RBFOX1: variants seen among roughly 807,000 people sequenced by gnomAD.
RBFOX1 encodes RNA binding fox-1 homolog 1, also known as RNA binding protein fox-1 homolog 1.
RBFOX1 carries 8 observed loss-of-function variants against 57.7 expected under a neutral mutation model. The observed-to-expected ratio is 0.14, with a 90% CI of 0.08 to 0.25. The LOEUF (loss-of-function observed/expected upper bound fraction) is 0.25, where lower values mean the gene tolerates loss of function less well. RBFOX1 is among the 10% of genes least tolerant of loss of function. The pLI, the probability that RBFOX1 is intolerant of heterozygous loss-of-function variation, is 1.00. For synonymous variants in RBFOX1, 326 were observed against 222.4 expected (o/e 1.47, Z -4.15); for missense variants, 611 against 548.5 (o/e 1.11, Z -1.14).
intron 3 of RBFOX1, among the ~76,000 whole-genome samples, chr16:6,702,713 C>A (rs1329108041): frequency 1.3e-5 from 2 of 152,186 alleles, no homozygotes; most frequent in Non-Finnish European, 1.5e-5. Context: ...TGTTCTCTCT[C>A]TGGTTTTTGT....
At chr16:6,356,957 A>G (rs992995212) in intron 2 of RBFOX1, among the ~76,000 whole-genome samples, 1 of 152,160 alleles carries the variant, frequency 6.6e-6, no homozygotes, top group African/African-American at 2.4e-5. Context: ...GCCACAGGCA[A>G]TCACTCCTCC....
intron 2 of RBFOX1, among the ~76,000 whole-genome samples, chr16:6,632,337 G>GA (rs35995716): frequency 0.071 from 9,730 of 137,138 alleles, 394 homozygotes; most frequent in Non-Finnish European, 0.099. Flanking sequence ...CAGGGAGAAA[G>GA]AAAAAAAAAA....
intron 3 of RBFOX1, among the ~76,000 whole-genome samples, chr16:6,732,874 G>A (rs930331191): frequency 2.6e-5 from 4 of 152,128 alleles, no homozygotes; most frequent in Non-Finnish European, 4.4e-5. Flanking sequence ...CAACAAATTT[G>A]CATCTGAAAG....
intron 3 of RBFOX1, among the ~76,000 whole-genome samples, chr16:5,693,280 C>A (rs1358667242): frequency 6.6e-6 from 1 of 151,600 alleles, no homozygotes; most frequent in African/African-American, 2.4e-5. Flanking sequence ...GCTTGGAAAC[C>A]ATCCAAACTG....
intron 4 of RBFOX1, among the ~76,000 whole-genome samples, chr16:5,876,670 C>T (rs529809072): frequency 2.0e-5 from 3 of 152,236 alleles, no homozygotes; most frequent in South Asian, 4.1e-4. Flanking sequence ...ATATTATTTC[C>T]TACAGTTTTG....
At chr16:7,312,293 T>A (rs573540923) in intron 4 of RBFOX1, among the ~76,000 whole-genome samples, 5 of 152,180 alleles carry the variant, frequency 3.3e-5, no homozygotes, top group African/African-American at 1.2e-4. Flanking sequence ...GGCAGGAGAA[T>A]CACTTGAACC....
intron 1 of RBFOX1, among the ~76,000 whole-genome samples, chr16:5,359,527 C>G (rs975608197): frequency 3.3e-5 from 5 of 152,222 alleles, no homozygotes; most frequent in African/African-American, 1.2e-4. Context: ...GCGATGGCAT[C>G]TCACTGTAGT....
intron 10 of RBFOX1, among the ~76,000 whole-genome samples, chr16:7,622,949 AAT>A (rs1435815394): frequency 6.6e-6 from 1 of 152,194 alleles, no homozygotes; most frequent in African/African-American, 2.4e-5. Context: ...TGCGTTCAAA[AAT>A]GCATGACTGT....
chr16:6,601,376 G>A (rs1049111879), intron 2 of RBFOX1, among the ~76,000 whole-genome samples: 4 of 152,110 alleles, frequency 2.6e-5, no homozygotes. Context: ...TGGAGATGAA[G>A]GTGAGAGTTA....
At chr16:6,440,528 G>A (rs1450208098) in intron 2 of RBFOX1, among the ~76,000 whole-genome samples, 2 of 152,144 alleles carry the variant, frequency 1.3e-5, no homozygotes, top group African/African-American at 4.8e-5. Context: ...TTGGCCGGGT[G>A]CAGTGGCACA....
At chr16:5,575,961 TAG>T (rs2046439404) in intron 2 of RBFOX1, among the ~76,000 whole-genome samples, 1 of 151,700 alleles carries the variant, frequency 6.6e-6, no homozygotes, top group African/African-American at 2.4e-5. Flanking sequence ...GGGGGAGGGA[TAG>T]AGAGATTTGC....
At chr16:7,283,362 C>G (rs1744297818) in intron 4 of RBFOX1, among the ~76,000 whole-genome samples, 1 of 152,022 alleles carries the variant, frequency 6.6e-6, no homozygotes, top group Non-Finnish European at 1.5e-5. Flanking sequence ...GGGAGAAGAT[C>G]TCATTGAACC....
chr16:6,735,110 A>G (rs932512322), intron 3 of RBFOX1, among the ~76,000 whole-genome samples: 1 of 152,098 alleles, frequency 6.6e-6, no homozygotes, highest in Non-Finnish European at 1.5e-5. Flanking sequence ...AAACAACTGT[A>G]TACACTCCAG....
At chr16:7,120,311 C>A (rs569133528) in intron 4 of RBFOX1, among the ~76,000 whole-genome samples, 97 of 150,476 alleles carry the variant, frequency 6.4e-4, no homozygotes, top group African/African-American at 2.2e-3. Context: ...CTAATACATG[C>A]AAAGAGAAAG....
intron 2 of RBFOX1, among the ~76,000 whole-genome samples, chr16:6,469,358 T>A (rs2095122290): frequency 6.6e-6 from 1 of 152,074 alleles, no homozygotes; most frequent in Admixed American, 6.6e-5. Flanking sequence ...CTCTGGAAAG[T>A]CTCCAGTTGA....
intron 4 of RBFOX1, among the ~76,000 whole-genome samples, chr16:7,325,549 C>G (rs892177423): frequency 6.6e-6 from 1 of 152,178 alleles, no homozygotes; most frequent in African/African-American, 2.4e-5. Context: ...TTTGCATACA[C>G]TAACTGAAAG....
At chr16:6,676,907 C>T (rs957341356) in intron 3 of RBFOX1, among the ~76,000 whole-genome samples, 3 of 151,880 alleles carry the variant, frequency 2.0e-5, no homozygotes, top group Admixed American at 6.6e-5. Flanking sequence ...AACCCTTGAC[C>T]TCAGGTGATC....
intron 1 of RBFOX1, among the ~76,000 whole-genome samples, chr16:5,246,569 T>A (rs2062305069): frequency 6.6e-6 from 1 of 152,210 alleles, no homozygotes; most frequent in African/African-American, 2.4e-5. Context: ...ATTCTTCCTC[T>A]CTAAAAATGA....
Position 7,304,915 on chromosome 16 carries a change from GGTGTGTGTGTGTGT to G in RBFOX1, c.28-213201_28-213188del, listed in dbSNP as rs59599069. Among the ~76,000 whole-genome samples the G allele has an allele frequency of 5.0e-3, 706 of 140,588 alleles. 4 individuals are homozygous for G. Among genetic ancestry groups the G allele is most frequent in the Middle Eastern group, 0.011 (3 of 262 alleles). The allele number at this position is 140,588 out of a possible 152,430, so 92.2% of individuals were successfully genotyped here. ...AGGAGAAGTGTGTGGTGTGTGGTGT[GGTGTGTGTGTGTGT>G]GTGTGTGTGTGTGTGTGTGTGTGTG... On this transcript the variant is annotated intron_variant, in intron 4 of 15. Coordinates refer to ENST00000550418, the MANE Select transcript of RBFOX1 (RefSeq NM_018723.4).
Sources: gnomAD v4.1 joint callset for allele counts (sites outside exome capture counted in the v4.1 genomes callset) on GRCh38, gnomAD v4.1.1 for gene constraint, MANE v1.5 for transcripts, NCBI Gene and HGNC (gene_info 2026-07-23, HGNC 2026-07-21) for gene names.